ITGA9: variants seen among roughly 807,000 people sequenced by gnomAD.
ITGA9 encodes integrin alpha-9.
A neutral mutation model predicts 127.8 loss-of-function variants in ITGA9; 56 were observed. That is an observed-to-expected ratio of 0.44 (90% CI 0.35 to 0.55). The LOEUF (loss-of-function observed/expected upper bound fraction) is 0.55, where lower values mean the gene tolerates loss of function less well. ITGA9 is among the 20% of genes least tolerant of loss of function. The pLI is 0.00. For missense variants in ITGA9, 1,196 were observed against 1,347.1 expected, an observed-to-expected ratio of 0.89 and a Z score of 1.76; for synonymous variants, 508 against 514.5, an observed-to-expected ratio of 0.99 and a Z score of 0.17.
At chr3:37,464,889 T>G in intron 1 of ITGA9, among the ~76,000 whole-genome samples, 1 of 152,214 alleles carries the variant, frequency 6.6e-6, no homozygotes, top group East Asian at 1.9e-4. Context: ...CAGAGGTGGC[T>G]ATCCTGGCAC....
intron 7 of ITGA9, among the ~76,000 whole-genome samples, chr3:37,506,286 A>G (rs577096576): frequency 9.9e-5 from 15 of 151,876 alleles, no homozygotes; most frequent in African/African-American, 3.4e-4. Context: ...GTATACTCAC[A>G]CTCTCGATTT....
At chr3:37,676,238 T>G (rs1224969244) in intron 17 of ITGA9, among the ~76,000 whole-genome samples, 1 of 152,236 alleles carries the variant, frequency 6.6e-6, no homozygotes, top group Admixed American at 6.5e-5. Flanking sequence ...TAATCAATAT[T>G]AAAACAACTG....
intron 4 of ITGA9, among the ~76,000 whole-genome samples, chr3:37,489,128 T>C (rs1176758369): frequency 6.6e-6 from 1 of 152,276 alleles, no homozygotes; most frequent in Non-Finnish European, 1.5e-5. Flanking sequence ...CCTCAAGGTG[T>C]ATCCATATTG....
intron 20 of ITGA9, among the ~76,000 whole-genome samples, chr3:37,739,581 A>T (rs938049058): frequency 1.3e-5 from 2 of 152,186 alleles, no homozygotes; most frequent in Admixed American, 6.5e-5. Context: ...TAACATTGAG[A>T]CTGAGCAGTT....
Position 37,452,675 on chromosome 3 carries a change from T to G in ITGA9, c.185+116T>G. Reference sequence around the variant, plus strand: ...CACGCCGCCGTCCCGAGGGGGCGATTTAAATGTCTCCGTTGCGCGCGGCTC... The same window carrying G: ...CACGCCGCCGTCCCGAGGGGGCGATGTAAATGTCTCCGTTGCGCGCGGCTC... On this transcript the variant is annotated intron_variant, in intron 1 of 27. Coordinates refer to ENST00000264741, the MANE Select transcript of ITGA9 (RefSeq NM_002207.3). The surrounding 1 kb of genome is among the most constrained non-coding windows in gnomAD (Gnocchi z 7.3). 1.1e-6 allele frequency: 1 copy of G among 926,122 alleles called. No individual in the cohort carries two copies. The allele number at this position is 926,122 out of a possible 1,614,324, so 57.4% of individuals were successfully genotyped here.
In ITGA9 at chr3:37,503,233, T is replaced by C. The variant is rs1468061798; in HGVS notation, c.668T>C (p.Val223Ala). Reference protein sequence around the residue: ...GSFYWAGTIKVLNLTDNTYLK... With the variant: ...GSFYWAGTIKALNLTDNTYLK... ...TTTTATTGGGCTGGAACCATCAAAG[T>C]GCTGAACCTTACGGACAACACCTAT... The change falls in exon 6 of 28, where the codon GTG (valine) becomes GCG (alanine). Residue 223 changes from valine (V) to alanine (A), a missense_variant. Val to Ala is a moderately conservative substitution (Grantham distance 64). Transcript: ENST00000264741. 1.9e-6 allele frequency: 3 copies of C among 1,614,106 alleles called. No homozygotes were observed. In the Admixed American group the frequency reaches 5.0e-5, roughly 27 times the overall value.
chr3:37,809,054 A>G (rs1388232093), intron 27 of ITGA9, among the ~76,000 whole-genome samples: 1 of 151,590 alleles, frequency 6.6e-6, no homozygotes, highest in Non-Finnish European at 1.5e-5. Flanking sequence ...TATCTGTCAC[A>G]TACATGATGT....
chr3:37,689,828 C>T (rs1053440827), intron 18 of ITGA9, among the ~76,000 whole-genome samples: 15 of 152,194 alleles, frequency 9.9e-5, no homozygotes, highest in African/African-American at 3.4e-4. Flanking sequence ...CTTTGTCAAA[C>T]AGCCATGAAT....
chr3:37,630,557 G>A (rs922967472), intron 16 of ITGA9, among the ~76,000 whole-genome samples: 1 of 152,202 alleles, frequency 6.6e-6, no homozygotes, highest in Non-Finnish European at 1.5e-5. Context: ...GGCTGTGGGG[G>A]GGAAGGGAAG....
chr3:37,760,607 G>A (rs1696712573), intron 23 of ITGA9, among the ~76,000 whole-genome samples: 1 of 152,078 alleles, frequency 6.6e-6, no homozygotes, highest in Admixed American at 6.5e-5. Context: ...ATGATATGAA[G>A]ACAATTGGCT....
intron 1 of ITGA9, 143 bp from the exon 2 acceptor site, chr3:37,470,864 C>G: frequency 2.4e-6 from 2 of 822,028 alleles, no homozygotes; most frequent in Middle Eastern, 3.2e-4. Flanking sequence ...ACCTCTCCCC[C>G]AAGCCCACAC....
At chr3:37,682,102 A>G (rs7652320) in intron 17 of ITGA9, among the ~76,000 whole-genome samples, 17,695 of 152,078 alleles carry the variant, frequency 0.12, 1,606 homozygotes, top group African/African-American at 0.25. Context: ...TTCCCATCTT[A>G]ATAAAAAAGA....
chr3:37,509,778 A>G (rs1698882856), intron 8 of ITGA9, among the ~76,000 whole-genome samples: 1 of 152,198 alleles, frequency 6.6e-6, no homozygotes, highest in African/African-American at 2.4e-5. Flanking sequence ...GCACTGGAAA[A>G]TGACTGTGAG....
At chr3:37,810,968 G>C (rs1293487612) in intron 27 of ITGA9, among the ~76,000 whole-genome samples, 1 of 152,220 alleles carries the variant, frequency 6.6e-6, no homozygotes, top group Non-Finnish European at 1.5e-5. Context: ...ACCCTGTGCA[G>C]CTCCTGGCGG....
chr3:37,661,938 A>G (rs1700540845), intron 17 of ITGA9, among the ~76,000 whole-genome samples: 1 of 152,196 alleles, frequency 6.6e-6, no homozygotes, highest in Non-Finnish European at 1.5e-5. Context: ...GACTCCCATG[A>G]AGATCTGCAG....
At chr3:37,757,203 A>G (rs1238718231) in intron 23 of ITGA9, among the ~76,000 whole-genome samples, 1 of 151,892 alleles carries the variant, frequency 6.6e-6, no homozygotes, top group East Asian at 1.9e-4. Context: ...AATAACAACA[A>G]AAGTATTCCA....
chr3:37,508,542 T>C lies in ITGA9; in HGVS notation c.829-17T>C, dbSNP rs751631414. On this transcript the variant is annotated splice_polypyrimidine_tract_variant and intron_variant, in intron 7 of 27. Transcript: ENST00000264741. ...TTGATTTCATCCTAACTAGATTTTT[T>C]TTTTTTCATTCCATAGGTTTATATT... 4 of 1,605,580 alleles carry C rather than the reference T, an allele frequency of 2.5e-6. No homozygotes were observed. The highest frequency in any genetic ancestry group is 3.4e-6 in the Non-Finnish European group (4 of 1,173,038).
intron 16 of ITGA9, among the ~76,000 whole-genome samples, chr3:37,651,029 A>T (rs1276497890): frequency 6.6e-6 from 1 of 152,186 alleles, no homozygotes. Flanking sequence ...CTTATTTCTT[A>T]ACTAGTATTT....
chr3:37,701,371 G>A (rs185539130), intron 18 of ITGA9, among the ~76,000 whole-genome samples: 21 of 152,252 alleles, frequency 1.4e-4, no homozygotes, highest in Non-Finnish European at 2.6e-4. Context: ...GTGAAGATAG[G>A]GGGATATATT....
Sources: allele counts gnomAD v4.1 joint callset (sites outside exome capture counted in the v4.1 genomes callset), GRCh38; gene constraint gnomAD v4.1.1; non-coding constraint Gnocchi (gnomAD v3.1); transcripts MANE v1.5; gene names NCBI Gene and HGNC (gene_info 2026-07-23, HGNC 2026-07-21).